NTRK3: variants seen among roughly 807,000 people sequenced by gnomAD.
NTRK3 encodes NT-3 growth factor receptor.
In NTRK3, 24 loss-of-function variants were observed where a neutral mutation model predicts 91.7. The observed-to-expected ratio is 0.26, with a 90% CI of 0.19 to 0.37. The LOEUF is 0.37. Among genes scored for constraint, NTRK3 ranks in the 10% least tolerant of loss-of-function variants. The pLI, the probability that NTRK3 is intolerant of heterozygous loss-of-function variation, is 1.00. For synonymous variants in NTRK3, 483 were observed against 404.0 expected (o/e 1.20, Z -2.34); for missense variants, 880 against 1,068.9 (o/e 0.82, Z 2.46).
chr15:88,046,443 T>A (rs372948941), intron 13 of NTRK3, among the ~76,000 whole-genome samples: 8 of 152,002 alleles, frequency 5.3e-5, no homozygotes, highest in Admixed American at 3.3e-4. Context: ...CCAACAGAGA[T>A]GACACATAGG....
chr15:88,086,374 G>A (rs1317354194), intron 13 of NTRK3, among the ~76,000 whole-genome samples: 4 of 151,986 alleles, frequency 2.6e-5, no homozygotes, highest in Non-Finnish European at 1.5e-5. Context: ...AAAACATGCT[G>A]GATTTCAAGG....
At chr15:88,029,531 G>A (rs2078341668) in intron 14 of NTRK3, among the ~76,000 whole-genome samples, 1 of 152,208 alleles carries the variant, frequency 6.6e-6, no homozygotes, top group Non-Finnish European at 1.5e-5. Flanking sequence ...GGGGGATGGG[G>A]AAATAAGGGG....
At chr15:87,997,791 C>T (rs1388215626) in intron 14 of NTRK3, among the ~76,000 whole-genome samples, 1 of 152,114 alleles carries the variant, frequency 6.6e-6, no homozygotes, top group Non-Finnish European at 1.5e-5. Flanking sequence ...AACACTTGTG[C>T]CCCTTTTGGA....
chr15:87,860,451 A>T (rs1351258680), exon 19 of NTRK3: 1 of 217,644 alleles, frequency 4.6e-6, no homozygotes, highest in Middle Eastern at 1.4e-3. Flanking sequence ...ACACCCCTCT[A>T]ACCTGTGGCC....
At chr15:88,025,282 T>C (rs543267545) in intron 14 of NTRK3, among the ~76,000 whole-genome samples, 4 of 152,308 alleles carry the variant, frequency 2.6e-5, no homozygotes, top group Admixed American at 1.3e-4. Context: ...TGCAAATGAG[T>C]TAAAAACTTA....
At chr15:87,946,856 C>T (rs2061445789) in intron 14 of NTRK3, among the ~76,000 whole-genome samples, 1 of 149,282 alleles carries the variant, frequency 6.7e-6, no homozygotes, top group Non-Finnish European at 1.5e-5. Context: ...ACCTTTACAG[C>T]TCTGTCTTTC....
At chr15:88,182,807 C>G (rs946376502) in intron 5 of NTRK3, among the ~76,000 whole-genome samples, 2 of 152,166 alleles carry the variant, frequency 1.3e-5, no homozygotes, top group Non-Finnish European at 2.9e-5. Context: ...TCTTGTGATT[C>G]TATCCCCACT....
intron 15 of NTRK3, among the ~76,000 whole-genome samples, chr15:87,939,691 C>T (rs923375682): frequency 6.6e-6 from 1 of 152,144 alleles, no homozygotes; most frequent in African/African-American, 2.4e-5. Context: ...CAGCCCACAT[C>T]TCAGGACATT....
chr15:88,013,717 C>G, intron 14 of NTRK3, among the ~76,000 whole-genome samples: 1 of 152,186 alleles, frequency 6.6e-6, no homozygotes. Flanking sequence ...CAGGGCCTGA[C>G]TTGGCCAGGC....
chr15:87,951,212 G>A (rs189702200), intron 14 of NTRK3, among the ~76,000 whole-genome samples: 3 of 152,202 alleles, frequency 2.0e-5, no homozygotes, highest in East Asian at 1.9e-4. Flanking sequence ...TGTGTTATCC[G>A]TAAGATCATT....
intron 17 of NTRK3, chr15:87,928,679 T>G (rs1377121979): frequency 2.9e-5 from 6 of 203,564 alleles, no homozygotes; most frequent in Non-Finnish European, 5.0e-5. Flanking sequence ...AGCAATATAT[T>G]AGCCATCTTT....
chr15:87,959,732 C>T (rs2072053124), intron 14 of NTRK3, among the ~76,000 whole-genome samples: 1 of 152,198 alleles, frequency 6.6e-6, no homozygotes, highest in Non-Finnish European at 1.5e-5. Context: ...AAAGGATTGA[C>T]ACCAACACAA....
intron 9 of NTRK3, 138 bp downstream of exon 9, chr15:88,135,761 C>T: frequency 2.5e-6 from 3 of 1,191,218 alleles, no homozygotes; most frequent in South Asian, 1.4e-5. Flanking sequence ...CAGTCCTGCC[C>T]TACAAGAGTC....
chr15:88,020,505 T>C (rs12914593), intron 14 of NTRK3, among the ~76,000 whole-genome samples: 2,678 of 152,286 alleles, frequency 0.018, 27 homozygotes, highest in Middle Eastern at 0.034. Flanking sequence ...TTCAGTACCA[T>C]CAAGCTGGTT....
intron 14 of NTRK3, among the ~76,000 whole-genome samples, chr15:88,005,259 C>A (rs1315364600): frequency 6.6e-6 from 1 of 152,172 alleles, no homozygotes; most frequent in Non-Finnish European, 1.5e-5. Context: ...GAGCCAGATG[C>A]TTCATGAGCT....
At chr15:87,986,466 A>G (rs981871603) in intron 14 of NTRK3, among the ~76,000 whole-genome samples, 1 of 152,228 alleles carries the variant, frequency 6.6e-6, no homozygotes, top group East Asian at 1.9e-4. Context: ...ACTGCTCTGA[A>G]ATAGCTGATT....
chr15:87,865,288 T>C (rs547602077), exon 19 of NTRK3: 43 of 208,888 alleles, frequency 2.1e-4, no homozygotes, highest in Non-Finnish European at 4.0e-4. Context: ...TGCCAAGTAG[T>C]CACTAATACA....
chr15:88,056,554 G>A (rs2045712485), intron 13 of NTRK3, among the ~76,000 whole-genome samples: 1 of 152,154 alleles, frequency 6.6e-6, no homozygotes. Context: ...TTAGAGCTGA[G>A]AAGAAACCTG....
At chr15:88,223,283 G>C (rs2050393767) in intron 3 of NTRK3, among the ~76,000 whole-genome samples, 1 of 152,244 alleles carries the variant, frequency 6.6e-6, no homozygotes, top group South Asian at 2.1e-4. Flanking sequence ...GGACGCAGTG[G>C]CCTGTGTCAC....
Sources: gnomAD v4.1 joint callset for allele counts (sites outside exome capture counted in the v4.1 genomes callset) on GRCh38, gnomAD v4.1.1 for gene constraint, MANE v1.5 for transcripts, NCBI Gene and HGNC (gene_info 2026-07-23, HGNC 2026-07-21) for gene names.